ASTN2: variants seen among roughly 807,000 people sequenced by gnomAD.
ASTN2 encodes the protein astrotactin-2.
In ASTN2, 54 loss-of-function variants were observed where a neutral mutation model predicts 139.8. The ratio of observed to expected loss-of-function variants is 0.39; its 90% CI spans 0.31 to 0.48. The LOEUF (loss-of-function observed/expected upper bound fraction) is 0.48. Ranked by LOEUF, ASTN2 falls within the 20% of genes least tolerant of loss-of-function variation. The probability of loss-of-function intolerance (pLI) is 0.95; values close to 1 mark genes in which losing one functional copy is unlikely to be tolerated. For missense variants in ASTN2, 1,565 were observed against 1,725.1 expected, an observed-to-expected ratio of 0.91 and a Z score of 1.64; for synonymous variants, 756 against 719.5, an observed-to-expected ratio of 1.05 and a Z score of -0.81.
At chr9:116,919,290 T>A (rs73527981) in intron 10 of ASTN2, among the ~76,000 whole-genome samples, 1 of 152,234 alleles carries the variant, frequency 6.6e-6, no homozygotes, top group African/African-American at 2.4e-5. Context: ...GTCCTGATTT[T>A]GTGGCTATGT....
rs564379755 is a variant in ASTN2, at chr9:116,634,447, G to A, written c.3073-14004C>T. Among the ~76,000 whole-genome samples the A allele has an allele frequency of 4.2e-4, 63 of 151,724 alleles. No homozygotes were observed. In the East Asian group the frequency reaches 9.2e-3, roughly 22 times the overall value. ...CTACTAAAAATACAAAAAATTAGCC[G>A]GGCGTGGTAGCGGGCGCCTGTAGTC... is the stretch of plus-strand genomic sequence containing the variant. On this transcript the variant is annotated intron_variant, in intron 17 of 22. Coordinates refer to ENST00000313400, the MANE Select transcript of ASTN2 (RefSeq NM_001365068.1).
chr9:116,814,555 GA>G lies in ASTN2; in HGVS notation c.2207+6061del, dbSNP rs377143754. 6.1e-5 allele frequency among the ~76,000 whole-genome samples: 9 copies of G among 147,096 alleles called. No individual in the cohort carries two copies. The East Asian group carries it at 9.9e-4, about 16-fold the overall frequency. On this transcript the variant is annotated intron_variant, in intron 12 of 22. Transcript: ENST00000313400. ...TACATAACACTAAGAAAGAAACAAGGAAAAAAAAAAGACTGCCAAATAAACT... is the reference window on the plus strand; with the variant it reads ...TACATAACACTAAGAAAGAAACAAGGAAAAAAAAAGACTGCCAAATAAACT...
chr9:117,074,773 G>A (rs1334072), intron 5 of ASTN2, among the ~76,000 whole-genome samples: 124,307 of 152,144 alleles, frequency 0.82, 52,093 homozygotes, highest in East Asian at 0.97. Flanking sequence ...TATATATTAT[G>A]TAAATACACA....
intron 1 of ASTN2, among the ~76,000 whole-genome samples, chr9:117,298,552 T>C (rs1398056496): frequency 6.6e-6 from 1 of 151,652 alleles, no homozygotes; most frequent in Non-Finnish European, 1.5e-5. Flanking sequence ...AAATTAGCTG[T>C]TAGGTTGGTC....
chr9:117,060,754 G>A (rs1033209644), intron 5 of ASTN2, among the ~76,000 whole-genome samples: 2 of 151,868 alleles, frequency 1.3e-5, no homozygotes, highest in African/African-American at 2.4e-5. Context: ...AATTAGCCGG[G>A]TGTGATGGCA....
chr9:116,863,010 G>T (rs570875009), intron 11 of ASTN2, among the ~76,000 whole-genome samples: 12 of 152,118 alleles, frequency 7.9e-5, no homozygotes, highest in African/African-American at 2.9e-4. Context: ...CTTGTCCCAC[G>T]CTAGATACTA....
intron 13 of ASTN2, among the ~76,000 whole-genome samples, chr9:116,771,080 T>C (rs1829942518): frequency 6.6e-6 from 1 of 152,242 alleles, no homozygotes; most frequent in African/African-American, 2.4e-5. Flanking sequence ...TATCCATTCC[T>C]TTGTCCTTGC....
At chr9:117,028,815 G>A (rs945084218) in intron 6 of ASTN2, among the ~76,000 whole-genome samples, 3 of 152,146 alleles carry the variant, frequency 2.0e-5, no homozygotes, top group African/African-American at 7.2e-5. Context: ...TAAGGACTTG[G>A]AAGGTCATGT....
intron 10 of ASTN2, among the ~76,000 whole-genome samples, chr9:116,929,848 G>A (rs771806224): frequency 1.3e-5 from 2 of 152,120 alleles, no homozygotes; most frequent in East Asian, 1.9e-4. Flanking sequence ...TGGAGGCATC[G>A]GGCAAATTAC....
At chr9:116,902,123 G>C (rs879583034) in intron 10 of ASTN2, among the ~76,000 whole-genome samples, 16 of 152,234 alleles carry the variant, frequency 1.1e-4, no homozygotes, top group Admixed American at 1.0e-3. Flanking sequence ...CCTTCAGGAG[G>C]TATTTCAGAA....
chr9:116,525,187 T>C (rs527827429), intron 19 of ASTN2, among the ~76,000 whole-genome samples: 2 of 152,302 alleles, frequency 1.3e-5, no homozygotes, highest in African/African-American at 4.8e-5. Flanking sequence ...GCAAATAAAC[T>C]GGTGGCATTT....
chr9:117,180,644 T>TTTTG, intron 3 of ASTN2: 1 of 1,359,958 alleles, frequency 7.4e-7, no homozygotes. Context: ...TTTTTTTTTT[T>TTTTG]GGACAGGAAG....
At chr9:117,013,948 G>A (rs1837604452) in intron 6 of ASTN2, among the ~76,000 whole-genome samples, 1 of 152,158 alleles carries the variant, frequency 6.6e-6, no homozygotes, top group Admixed American at 6.5e-5. Flanking sequence ...ATGGTGAGCA[G>A]AATAATGAAA....
At chr9:116,682,099 T>C (rs958062714) in intron 16 of ASTN2, among the ~76,000 whole-genome samples, 5 of 151,564 alleles carry the variant, frequency 3.3e-5, no homozygotes, top group South Asian at 2.1e-4. Context: ...ACCTACAAAA[T>C]GGGAGAAAAT....
At chr9:116,900,789 G>C (rs544209939) in intron 10 of ASTN2, among the ~76,000 whole-genome samples, 1 of 151,860 alleles carries the variant, frequency 6.6e-6, no homozygotes, top group Admixed American at 6.6e-5. Flanking sequence ...CTCCACCTTC[G>C]TTTGGTTCTC....
At chr9:117,322,048 C>T (rs1828339276) in intron 1 of ASTN2, among the ~76,000 whole-genome samples, 1 of 152,018 alleles carries the variant, frequency 6.6e-6, no homozygotes, top group Non-Finnish European at 1.5e-5. Flanking sequence ...TATTCTGGTC[C>T]CTCTGTTTGG....
chr9:117,273,239 G>A (rs894534102), intron 2 of ASTN2, among the ~76,000 whole-genome samples: 1 of 152,178 alleles, frequency 6.6e-6, no homozygotes, highest in Non-Finnish European at 1.5e-5. Context: ...CATGAGAATA[G>A]CATGAGAAAG....
At position 116,723,587 on chromosome 9, in the gene ASTN2, C is replaced by T. The variant is rs373420654; in HGVS notation, c.2806+2184G>A. ...ATGGCAGTGACACATAACTCATGGC[C>T]GGGGAGAAAAGGGGATACTAGCTAT... On this transcript the variant is annotated intron_variant, in intron 16 of 22. Transcript: ENST00000313400. 5.9e-5 allele frequency among the ~76,000 whole-genome samples: 9 copies of T among 152,122 alleles called. No homozygotes were observed. The East Asian group carries it at 1.2e-3, about 20-fold the overall frequency.
chr9:116,815,449 T>G (rs1831284805), intron 12 of ASTN2, among the ~76,000 whole-genome samples: 2 of 152,060 alleles, frequency 1.3e-5, no homozygotes, highest in Admixed American at 6.6e-5. Flanking sequence ...TGGCCGTGAG[T>G]GCCCCCACCT....
Sources: gnomAD v4.1 joint callset for allele counts (sites outside exome capture counted in the v4.1 genomes callset) on GRCh38, gnomAD v4.1.1 for gene constraint, MANE v1.5 for transcripts, NCBI Gene and HGNC (gene_info 2026-07-23, HGNC 2026-07-21) for gene names.